Variants in DNAJC3 observed in about 807,000 individuals in gnomAD.
DNAJC3 encodes the protein DnaJ heat shock protein family (Hsp40) member C3.
In DNAJC3, 38 loss-of-function variants were observed where a neutral mutation model predicts 68.6. The ratio of observed to expected loss-of-function variants is 0.55; its 90% CI spans 0.43 to 0.73. The LOEUF is 0.73. Ranked by LOEUF, DNAJC3 falls within the 30% of genes least tolerant of loss-of-function variation. DNAJC3 has a pLI of 0.00. For missense variants in DNAJC3, 526 were observed against 591.9 expected (o/e 0.89, Z 1.16); for synonymous variants, 203 against 204.0 (o/e 1.00, Z 0.04).
chr13:95,705,884 C>T (rs896750491), intron 1 of DNAJC3, among the ~76,000 whole-genome samples: 3 of 152,084 alleles, frequency 2.0e-5, no homozygotes, highest in South Asian at 2.1e-4. Flanking sequence ...GTTTTCTAGG[C>T]CCTCTCATGG....
intron 2 of DNAJC3, among the ~76,000 whole-genome samples, chr13:95,719,929 T>C (rs892610406): frequency 2.6e-5 from 4 of 152,182 alleles, no homozygotes; most frequent in African/African-American, 9.6e-5. Flanking sequence ...ACCATGTAAA[T>C]GCTGTGTAAA....
chr13:95,761,681 G>C (rs925196797), intron 7 of DNAJC3, among the ~76,000 whole-genome samples: 3 of 151,926 alleles, frequency 2.0e-5, no homozygotes, highest in Admixed American at 6.5e-5. Flanking sequence ...TTAGCTTGTG[G>C]CAACCACTAA....
At chr13:95,703,325 T>G (rs1193344411) in intron 1 of DNAJC3, among the ~76,000 whole-genome samples, 2 of 152,238 alleles carry the variant, frequency 1.3e-5, no homozygotes, top group Non-Finnish European at 2.9e-5. Flanking sequence ...CCAGCTTTCA[T>G]GAGCATAGGA....
At chr13:95,790,797 C>A in intron 11 of DNAJC3, 76 bp from the exon 12 acceptor site, 134 of 1,319,444 alleles carry the variant, frequency 1.0e-4, no homozygotes, top group Non-Finnish European at 1.2e-4. Flanking sequence ...CCACCCTCCT[C>A]TGCCCAAAGA....
chr13:95,760,796 C>T lies in DNAJC3; in HGVS notation c.846C>T (p.Gly282=). 1 of 1,610,078 alleles carries T rather than the reference C, an allele frequency of 6.2e-7. No homozygotes were observed. Among genetic ancestry groups the T allele is most frequent in the East Asian group, 2.2e-5 (1 of 44,676 alleles). The change falls in exon 7 of 12, where the codon GGC becomes GGT. Residue 282 remains glycine (G), a splice_region_variant and synonymous_variant. Transcript: ENST00000602402. ...CAGCTGAAGAGCTCATCAGAGATGG[C>T]AGGTGAGAATATGGTTGTTCCAACT... ...IESAEELIRD[G]RYTDATSKYE... is the part of the protein sequence containing the mutation.
intron 9 of DNAJC3, among the ~76,000 whole-genome samples, chr13:95,771,957 C>T (rs534101344): frequency 5.3e-5 from 8 of 152,042 alleles, no homozygotes; most frequent in Non-Finnish European, 8.8e-5. Context: ...TACATGTTTT[C>T]GCAGTTTATT....
intron 1 of DNAJC3, among the ~76,000 whole-genome samples, chr13:95,703,113 A>G (rs927869923): frequency 6.6e-6 from 1 of 152,228 alleles, no homozygotes; most frequent in Non-Finnish European, 1.5e-5. Context: ...CTTAGGGGAA[A>G]TACAGGGTTA....
intron 4 of DNAJC3, among the ~76,000 whole-genome samples, chr13:95,736,773 CA>C (rs1330534150): frequency 6.9e-6 from 1 of 145,354 alleles, no homozygotes; most frequent in Admixed American, 6.8e-5. Flanking sequence ...CAAACAGGGA[CA>C]ATTTGACTTC....
chr13:95,715,070 G>A (rs1881093553), intron 2 of DNAJC3, among the ~76,000 whole-genome samples: 1 of 152,204 alleles, frequency 6.6e-6, no homozygotes, highest in Admixed American at 6.5e-5. Context: ...AAGGGAGAAT[G>A]TAAATAATTG....
chr13:95,726,393 T>G (rs1448687116), intron 4 of DNAJC3, among the ~76,000 whole-genome samples: 2 of 152,242 alleles, frequency 1.3e-5, no homozygotes. Flanking sequence ...GGTATCTCAT[T>G]GTGGTTTTGA....
At chr13:95,762,513 T>A (rs192675388) in intron 7 of DNAJC3, among the ~76,000 whole-genome samples, 2 of 152,322 alleles carry the variant, frequency 1.3e-5, no homozygotes, top group Non-Finnish European at 1.5e-5. Context: ...TTTTCTATTT[T>A]AAAAAATATA....
chr13:95,778,865 G>A (rs1883356800), intron 9 of DNAJC3, among the ~76,000 whole-genome samples: 1 of 151,940 alleles, frequency 6.6e-6, no homozygotes. Flanking sequence ...GTCACATTGT[G>A]TTTTTAGTTT....
chr13:95,704,268 G>C (rs1880657514), intron 1 of DNAJC3, among the ~76,000 whole-genome samples: 1 of 152,170 alleles, frequency 6.6e-6, no homozygotes, highest in South Asian at 2.1e-4. Context: ...GCTTATGTGG[G>C]TATAATAATG....
In DNAJC3 at chr13:95,734,325, C is replaced by T. The variant is rs572524228; in HGVS notation, c.393+9073C>T. Among the ~76,000 whole-genome samples the T allele has an allele frequency of 3.9e-5, 6 of 152,276 alleles. No homozygotes were observed. In the East Asian group the frequency reaches 9.6e-4, roughly 24 times the overall value. The stretch of plus-strand genomic sequence containing the variant: ...TTGTTGGTTGACAGTTTTCTCTTAG[C>T]ACTTTGAGTATATCATTCCATTCCC... On this transcript the variant is annotated intron_variant, in intron 4 of 11. Coordinates refer to ENST00000602402, the MANE Select transcript of DNAJC3 (RefSeq NM_006260.5).
At chr13:95,754,831 G>T (rs1037509081) in intron 4 of DNAJC3, among the ~76,000 whole-genome samples, 1 of 152,128 alleles carries the variant, frequency 6.6e-6, no homozygotes, top group East Asian at 1.9e-4. Flanking sequence ...TATTTGAGGC[G>T]CCAGAAGTAG....
chr13:95,757,541 A>G (rs1882698554), intron 4 of DNAJC3, 103 bp from the exon 5 acceptor site: 3 of 1,197,494 alleles, frequency 2.5e-6, no homozygotes, highest in Non-Finnish European at 3.3e-6. Context: ...TACCCTTTTT[A>G]CCCAATGAAC....
chr13:95,692,069 G>T lies in DNAJC3; in HGVS notation c.82+14732G>T, dbSNP rs61350965. ...GGAAAGAGAGGGAGAGGGAGACCGTGGAAAGAGAGGGAGAGGGAGACCGTG... is the reference window on the plus strand; with the variant it reads ...GGAAAGAGAGGGAGAGGGAGACCGTTGAAAGAGAGGGAGAGGGAGACCGTG... On this transcript the variant is annotated intron_variant, in intron 1 of 11. Coordinates refer to ENST00000602402, the MANE Select transcript of DNAJC3 (RefSeq NM_006260.5). Among the ~76,000 whole-genome samples the T allele has an allele frequency of 6.6e-3, 974 of 147,378 alleles. 9 individuals carry two copies. The highest frequency in any genetic ancestry group is 0.025 in the African/African-American group (935 of 36,980).
chr13:95,746,514 A>G (rs1250684364), intron 4 of DNAJC3, among the ~76,000 whole-genome samples: 25 of 152,222 alleles, frequency 1.6e-4, no homozygotes, highest in Non-Finnish European at 1.9e-4. Context: ...TGTTGATACT[A>G]TATAATGGAT....
chr13:95,755,331 G>A (rs1452620475), intron 4 of DNAJC3, among the ~76,000 whole-genome samples: 1 of 152,118 alleles, frequency 6.6e-6, no homozygotes, highest in Non-Finnish European at 1.5e-5. Context: ...TGCACCTGTA[G>A]TTGCAGCTAC....
Sources: allele counts gnomAD v4.1 joint callset (sites outside exome capture counted in the v4.1 genomes callset), GRCh38; gene constraint gnomAD v4.1.1; transcripts MANE v1.5; gene names NCBI Gene and HGNC (gene_info 2026-07-23, HGNC 2026-07-21).